The following PTPRD variants were observed in gnomAD, a reference collection of about 807,000 sequenced individuals.
The protein encoded by PTPRD is receptor-type tyrosine-protein phosphatase delta.
A neutral mutation model predicts 214.5 loss-of-function variants in PTPRD; 34 were observed. That is an observed-to-expected ratio of 0.16 (90% CI 0.12 to 0.21). PTPRD has a LOEUF of 0.21. PTPRD is among the 10% of genes least tolerant of loss of function. The probability of loss-of-function intolerance (pLI) is 1.00; values close to 1 mark genes in which losing one functional copy is unlikely to be tolerated. For synonymous variants in PTPRD, 1,128 were observed against 845.7 expected (o/e 1.33, Z -5.79); for missense variants, 2,545 against 2,398.7 (o/e 1.06, Z -1.27).
intron 3 of PTPRD, among the ~76,000 whole-genome samples, chr9:10,148,537 G>A (rs939880998): frequency 6.6e-6 from 1 of 152,166 alleles, no homozygotes; most frequent in Non-Finnish European, 1.5e-5. Flanking sequence ...AAGATACAAG[G>A]AAAGCAAATA....
intron 11 of PTPRD, among the ~76,000 whole-genome samples, chr9:8,863,955 T>C (rs996215248): frequency 6.6e-6 from 1 of 152,148 alleles, no homozygotes; most frequent in Non-Finnish European, 1.5e-5. Flanking sequence ...TGAAGGAATA[T>C]TTTAAAATAC....
chr9:9,072,211 C>G (rs1569528008), intron 10 of PTPRD, among the ~76,000 whole-genome samples: 4 of 150,440 alleles, frequency 2.7e-5, no homozygotes, highest in Non-Finnish European at 5.9e-5. Context: ...AATATAATAC[C>G]AAAAAGCTTA....
In PTPRD at chr9:8,703,782, T is replaced by C. The variant is rs191149108; in HGVS notation, c.64+29998A>G. Among the ~76,000 whole-genome samples, 291 of 152,314 alleles carry C rather than the reference T, an allele frequency of 1.9e-3. 2 individuals carry two copies. The highest frequency in any genetic ancestry group is 6.7e-3 in the African/African-American group (280 of 41,562). On this transcript the variant is annotated intron_variant, in intron 12 of 45. Coordinates refer to ENST00000381196, the MANE Select transcript of PTPRD (RefSeq NM_002839.4). ...CAAGAGAATATCCCCAGCCCAGTTTTCTGAGTTCTGGATTCAAGTATCAAA... is the reference window on the plus strand; with the variant it reads ...CAAGAGAATATCCCCAGCCCAGTTTCCTGAGTTCTGGATTCAAGTATCAAA...
intron 6 of PTPRD, among the ~76,000 whole-genome samples, chr9:9,754,792 C>T (rs1432037278): frequency 2.0e-5 from 3 of 151,978 alleles, no homozygotes; most frequent in Non-Finnish European, 4.4e-5. Flanking sequence ...GTGAGGACAG[C>T]CTATGTGATT....
At chr9:8,680,734 A>G (rs1026973292) in intron 12 of PTPRD, among the ~76,000 whole-genome samples, 1 of 152,188 alleles carries the variant, frequency 6.6e-6, no homozygotes, top group Non-Finnish European at 1.5e-5. Context: ...TTCTATATCT[A>G]TGTCTTTCCA....
chr9:8,734,027 A>G (rs2098690152), intron 11 of PTPRD, 81 bp from the exon 12 acceptor site: 4 of 613,038 alleles, frequency 6.5e-6, no homozygotes, highest in Non-Finnish European at 8.7e-6. Flanking sequence ...CCCTGGTTCC[A>G]TCACAATCAC....
At chr9:9,962,982 T>C (rs917528640) in intron 4 of PTPRD, among the ~76,000 whole-genome samples, 4 of 152,026 alleles carry the variant, frequency 2.6e-5, no homozygotes, top group Non-Finnish European at 5.9e-5. Flanking sequence ...AGTAGTACCA[T>C]TATAGTAGTA....
intron 9 of PTPRD, among the ~76,000 whole-genome samples, chr9:9,353,139 T>C (rs1169132774): frequency 6.6e-6 from 1 of 151,948 alleles, no homozygotes; most frequent in Non-Finnish European, 1.5e-5. Flanking sequence ...AAGACTGTCC[T>C]TGAAATCCTA....
chr9:8,859,759 T>G (rs1401119135), intron 11 of PTPRD, among the ~76,000 whole-genome samples: 2 of 151,030 alleles, frequency 1.3e-5, no homozygotes, highest in African/African-American at 4.8e-5. Flanking sequence ...AGTCACATAT[T>G]TTTTAAAGGA....
intron 10 of PTPRD, among the ~76,000 whole-genome samples, chr9:9,182,304 C>T (rs531624891): frequency 6.6e-6 from 1 of 151,972 alleles, no homozygotes; most frequent in African/African-American, 2.4e-5. Flanking sequence ...ACATCAACCC[C>T]AAAATAAGAT....
chr9:9,701,257 A>G (rs937036436), intron 7 of PTPRD, among the ~76,000 whole-genome samples: 1 of 152,176 alleles, frequency 6.6e-6, no homozygotes, highest in South Asian at 2.1e-4. Context: ...AATGTTTTAA[A>G]CATGATGGTA....
intron 3 of PTPRD, among the ~76,000 whole-genome samples, chr9:10,307,760 T>C (rs578041127): frequency 2.6e-4 from 40 of 152,220 alleles, no homozygotes; most frequent in African/African-American, 9.6e-4. Context: ...ATAGCCATTC[T>C]AACTGGGGTA....
At chr9:8,536,622 A>G (rs189498750) in intron 14 of PTPRD, among the ~76,000 whole-genome samples, 1 of 152,146 alleles carries the variant, frequency 6.6e-6, no homozygotes, top group Non-Finnish European at 1.5e-5. Context: ...GCTGAGATTT[A>G]GTACTGTGCC....
intron 3 of PTPRD, among the ~76,000 whole-genome samples, chr9:10,331,969 C>A (rs2096758810): frequency 6.6e-6 from 1 of 151,728 alleles, no homozygotes; most frequent in South Asian, 2.1e-4. Context: ...AAGGATATAT[C>A]GAATCACAGT....
At position 10,482,435 on chromosome 9, in the gene PTPRD, C is replaced by A. The variant is rs532944499; in HGVS notation, c.-600+129963G>T. 4.0e-5 allele frequency among the ~76,000 whole-genome samples: 6 copies of A among 151,544 alleles called. No individual in the cohort carries two copies. In the East Asian group the frequency reaches 9.6e-4, roughly 24 times the overall value. ...CAATAATATTATAACAATAATTAGG[C>A]AAGATAAAGAAATAAAGGGCATTCA... On this transcript the variant is annotated intron_variant, in intron 2 of 45. Transcript: ENST00000381196.
intron 14 of PTPRD, among the ~76,000 whole-genome samples, chr9:8,613,961 T>C (rs891310760): frequency 6.6e-6 from 1 of 152,102 alleles, no homozygotes; most frequent in Non-Finnish European, 1.5e-5. Context: ...TTTTTTTTTT[T>C]TCTATAAAAT....
At chr9:9,492,028 T>C (rs1415804278) in intron 8 of PTPRD, among the ~76,000 whole-genome samples, 1 of 151,784 alleles carries the variant, frequency 6.6e-6, no homozygotes, top group Admixed American at 6.6e-5. Flanking sequence ...AGAGTATACA[T>C]AAATTACTAA....
chr9:10,162,657 A>G (rs1307550337), intron 3 of PTPRD, among the ~76,000 whole-genome samples: 1 of 147,874 alleles, frequency 6.8e-6, no homozygotes, highest in African/African-American at 2.5e-5. Flanking sequence ...ATACACATAT[A>G]TACATGTATA....
chr9:9,562,265 G>A (rs2083163339), intron 8 of PTPRD, among the ~76,000 whole-genome samples: 1 of 152,012 alleles, frequency 6.6e-6, no homozygotes, highest in African/African-American at 2.4e-5. Flanking sequence ...TGGAAATTCT[G>A]CCAACAAATC....
Sources: allele counts gnomAD v4.1 joint callset (sites outside exome capture counted in the v4.1 genomes callset), GRCh38; gene constraint gnomAD v4.1.1; transcripts MANE v1.5; gene names NCBI Gene and HGNC (gene_info 2026-07-23, HGNC 2026-07-21).